Variants in RILPL1 observed in about 807,000 individuals in gnomAD.
The protein encoded by RILPL1 is Rab interacting lysosomal protein like 1.
A neutral mutation model predicts 50.3 loss-of-function variants in RILPL1; 33 were observed. The ratio of observed to expected loss-of-function variants is 0.66; its 90% confidence interval spans 0.50 to 0.88. The LOEUF is 0.88. RILPL1 is among the 40% of genes least tolerant of loss of function. The pLI is 0.00. For synonymous variants in RILPL1, 205 were observed against 228.6 expected, an observed-to-expected ratio of 0.90 and a Z score of 0.93; for missense variants, 418 against 542.5, an observed-to-expected ratio of 0.77 and a Z score of 2.28.
intron 2 of RILPL1, among the ~76,000 whole-genome samples, chr12:123,515,846 C>T (rs1884659329): frequency 6.6e-6 from 1 of 151,150 alleles, no homozygotes; most frequent in Admixed American, 6.6e-5. Flanking sequence ...ACCAGCCTGA[C>T]CAACATGGAG....
intron 2 of RILPL1, among the ~76,000 whole-genome samples, chr12:123,502,306 T>G (rs905792453): frequency 6.6e-6 from 1 of 152,244 alleles, no homozygotes; most frequent in Non-Finnish European, 1.5e-5. Context: ...GACCGGCCAC[T>G]GCCGGGCAGA....
At chr12:123,531,001 G>A (rs1246948566) in intron 1 of RILPL1, among the ~76,000 whole-genome samples, 1 of 109,342 alleles carries the variant, frequency 9.1e-6, no homozygotes, top group Non-Finnish European at 2.1e-5. Context: ...AGGAAGAAGG[G>A]GTAGGGAAGA....
chr12:123,531,006 G>C (rs1263642775), intron 1 of RILPL1, among the ~76,000 whole-genome samples: 1 of 99,442 alleles, frequency 1.0e-5, no homozygotes, highest in African/African-American at 2.7e-5. Context: ...GAAGGGGTAG[G>C]GAAGAAGAGG....
At chr12:123,512,579 G>A (rs1394294108) in intron 2 of RILPL1, among the ~76,000 whole-genome samples, 1 of 145,812 alleles carries the variant, frequency 6.9e-6, no homozygotes, top group Non-Finnish European at 1.5e-5. Flanking sequence ...TGTGTGTGAG[G>A]TCTGTGTGTG....
At chr12:123,478,546 G>A (rs556965297) in intron 6 of RILPL1, among the ~76,000 whole-genome samples, 32 of 149,774 alleles carry the variant, frequency 2.1e-4, no homozygotes, top group East Asian at 1.6e-3. Context: ...TGTAATGGGC[G>A]GCTGTGAAGA....
intron 2 of RILPL1, among the ~76,000 whole-genome samples, chr12:123,509,141 CAACAAACA>C (rs142348336): frequency 1.3e-5 from 2 of 151,120 alleles, no homozygotes; most frequent in Admixed American, 6.6e-5. Flanking sequence ...CGTCTCAAAA[CAACAAACA>C]AACAAACAAA....
intron 2 of RILPL1, among the ~76,000 whole-genome samples, chr12:123,505,281 C>T (rs1318374616): frequency 6.6e-6 from 1 of 152,206 alleles, no homozygotes; most frequent in Non-Finnish European, 1.5e-5. Flanking sequence ...ATCTGCCCTC[C>T]TCAGCCTCCC....
At chr12:123,521,731 A>T (rs36069038) in intron 2 of RILPL1, among the ~76,000 whole-genome samples, 1 of 117,866 alleles carries the variant, frequency 8.5e-6, no homozygotes, top group Admixed American at 8.6e-5. Flanking sequence ...ACACACATAT[A>T]TGTATATATA....
chr12:123,519,526 CT>C (rs896374056), intron 2 of RILPL1: 7 of 152,508 alleles, frequency 4.6e-5, no homozygotes, highest in African/African-American at 1.7e-4. Flanking sequence ...TCAGCACCCC[CT>C]CACCCCCCAC....
chr12:123,481,713 C>A (rs369320091), intron 6 of RILPL1, among the ~76,000 whole-genome samples: 5 of 151,648 alleles, frequency 3.3e-5, no homozygotes, highest in South Asian at 4.2e-4. Context: ...TGTGCCACCA[C>A]GCCCGGCTGA....
rs560030154 is a variant in RILPL1, at chr12:123,491,251, G to A, written c.802-5446C>T. Among the ~76,000 whole-genome samples, 3 of 152,296 alleles carry A rather than the reference G, an allele frequency of 2.0e-5. No homozygotes were observed. Among genetic ancestry groups the A allele is most frequent in the African/African-American group, 7.2e-5 (3 of 41,570 alleles). Reference sequence around the variant, plus strand: ...GGTCCTCCTAGGCTTACTCCATGCGGGACCGGGAGGTGGCTCGGGTTAGCT... The same window carrying A: ...GGTCCTCCTAGGCTTACTCCATGCGAGACCGGGAGGTGGCTCGGGTTAGCT... On this transcript the variant is annotated intron_variant, in intron 4 of 6. Transcript: ENST00000376874. The surrounding 1 kb of genome is among the most constrained non-coding windows in gnomAD (Gnocchi z 4.0).
chr12:123,518,703 A>G (rs1884850200), intron 2 of RILPL1, among the ~76,000 whole-genome samples: 1 of 152,130 alleles, frequency 6.6e-6, no homozygotes, highest in African/African-American at 2.4e-5. Flanking sequence ...TATATTGATT[A>G]CATGTTACAA....
chr12:123,487,899 G>A (rs921449736), intron 4 of RILPL1, among the ~76,000 whole-genome samples: 3 of 152,148 alleles, frequency 2.0e-5, no homozygotes, highest in African/African-American at 7.2e-5. Context: ...ATGCACAAGG[G>A]TTCCAATTTC....
rs749282467 is a variant in RILPL1, at chr12:123,492,215, A to G, written c.801+6329T>C. 2.8e-5 allele frequency among the ~76,000 whole-genome samples: 3 copies of G among 107,932 alleles called. No individual in the cohort carries two copies. The East Asian group carries it at 6.1e-4, about 22-fold the overall frequency. The allele number at this position is 107,932 out of a possible 152,430, so 70.8% of individuals were successfully genotyped here. ...CACCCCGGCCTGAGACCCTGTCTCA[A>G]AAAAAAAGAAGAAAAAAAAATATAT... On this transcript the variant is annotated intron_variant, in intron 4 of 6. Coordinates refer to ENST00000376874, the MANE Select transcript of RILPL1 (RefSeq NM_178314.5).
At chr12:123,509,183 GAAGC>G (rs1883935995) in intron 2 of RILPL1, among the ~76,000 whole-genome samples, 1 of 151,960 alleles carries the variant, frequency 6.6e-6, no homozygotes, top group South Asian at 2.1e-4. Context: ...CCAAGAAGTG[GAAGC>G]AAGCTAAATG....
At chr12:123,527,191 C>T (rs891029432) in intron 1 of RILPL1, among the ~76,000 whole-genome samples, 17 of 151,818 alleles carry the variant, frequency 1.1e-4, no homozygotes, top group East Asian at 1.9e-4. Context: ...ATTAGCTGGG[C>T]GTGGTAGTGC....
intron 2 of RILPL1, among the ~76,000 whole-genome samples, chr12:123,507,188 C>A (rs1270422114): frequency 6.6e-6 from 1 of 152,088 alleles, no homozygotes; most frequent in African/African-American, 2.4e-5. Flanking sequence ...CGTGGGGGGC[C>A]CTCAACAGGC....
rs1255230708 is a variant in RILPL1, at chr12:123,485,036, CTCTTA to C, written c.974+592_974+596del. 9.5e-6 allele frequency: 4 copies of C among 421,184 alleles called. No individual in the cohort carries two copies. Among genetic ancestry groups the C allele is most frequent in the African/African-American group, 8.3e-5 (4 of 48,464 alleles). 26.1% of individuals were successfully genotyped at this position (421,184 alleles called of 1,614,324 possible). A position where few individuals can be genotyped will look rare whatever the true frequency, so the allele number is the denominator to read the frequency against. On this transcript the variant is annotated intron_variant, in intron 5 of 6. Coordinates refer to ENST00000376874, the MANE Select transcript of RILPL1 (RefSeq NM_178314.5). The surrounding 1 kb of genome is among the most constrained non-coding windows in gnomAD (Gnocchi z 4.0). ...GTGTGGTATTATATTTTTTATGCAT[CTCTTA>C]TCTTCCCCACTGGAGCAGGGACCAC...
rs991024249 is a variant in RILPL1, at chr12:123,477,422, T to G, written c.1068-4740A>C. Among the ~76,000 whole-genome samples, 7 of 139,780 alleles carry G rather than the reference T, an allele frequency of 5.0e-5. No homozygotes were observed. In the East Asian group the frequency reaches 1.7e-3, roughly 33 times the overall value. 91.7% of individuals were successfully genotyped at this position (139,780 alleles called of 152,430 possible). ...GGCACAATCTCTGCTCACTGCAACC[T>G]CCACCTCCTGGGTTCAAGTGATTCT... On this transcript the variant is annotated intron_variant, in intron 6 of 6. Coordinates refer to ENST00000376874, the MANE Select transcript of RILPL1 (RefSeq NM_178314.5).
Sources: allele counts gnomAD v4.1 joint callset (sites outside exome capture counted in the v4.1 genomes callset), GRCh38; gene constraint gnomAD v4.1.1; non-coding constraint Gnocchi (gnomAD v3.1); transcripts MANE v1.5; gene names NCBI Gene and HGNC (gene_info 2026-07-23, HGNC 2026-07-21).